P4HA2: variants seen among roughly 807,000 people sequenced by gnomAD.
P4HA2 encodes the protein prolyl 4-hydroxylase subunit alpha 2.
P4HA2 carries 46 observed loss-of-function variants against 76.9 expected under a neutral mutation model. The ratio of observed to expected loss-of-function variants is 0.60; its 90% CI spans 0.47 to 0.76. The LOEUF is 0.76. Among genes scored for constraint, P4HA2 ranks in the 30% least tolerant of loss-of-function variants. The pLI is 0.00. For synonymous variants in P4HA2, 243 were observed against 254.0 expected, an observed-to-expected ratio of 0.96 and a Z score of 0.41; for missense variants, 583 against 669.4, an observed-to-expected ratio of 0.87 and a Z score of 1.42.
At position 132,213,882 on chromosome 5, in the gene P4HA2, T is replaced by C. The variant is rs535224664; in HGVS notation, c.469+34A>G. On this transcript the variant is annotated intron_variant, in intron 5 of 14. Transcript: ENST00000360568. ...CCTGTCCCGCCACTAAAGAGACACA[T>C]GCGGGACAGGCAACGCCTGGAGTGG... 5 of 1,609,620 alleles carry C rather than the reference T, an allele frequency of 3.1e-6. No individual in the cohort carries two copies. In the East Asian group the frequency reaches 6.7e-5, roughly 22 times the overall value.
chr5:132,206,442 A>T (rs1350002940), intron 8 of P4HA2, among the ~76,000 whole-genome samples: 1 of 152,180 alleles, frequency 6.6e-6, no homozygotes, highest in Admixed American at 6.5e-5. Flanking sequence ...GGGCCAGGAT[A>T]GGAACCTATT....
intron 4 of P4HA2, among the ~76,000 whole-genome samples, chr5:132,216,024 G>A (rs539497620): frequency 6.7e-6 from 1 of 149,970 alleles, no homozygotes; most frequent in Non-Finnish European, 1.5e-5. Flanking sequence ...AATTAGCTGG[G>A]CATGGTGGCA....
intron 8 of P4HA2, among the ~76,000 whole-genome samples, chr5:132,206,019 C>T (rs898820277): frequency 1.3e-5 from 2 of 152,106 alleles, no homozygotes; most frequent in South Asian, 2.1e-4. Flanking sequence ...TCACAGTCTC[C>T]GGAAAGGAGG....
At chr5:132,198,088 C>CA in intron 12 of P4HA2, 1 of 1,493,064 alleles carries the variant, frequency 6.7e-7, no homozygotes, top group Non-Finnish European at 8.9e-7. Flanking sequence ...TGCTGAGAGC[C>CA]AGAAGGACCT....
chr5:132,208,396 AG>A (rs1306689117), intron 7 of P4HA2, among the ~76,000 whole-genome samples: 125 of 8,884 alleles, frequency 0.014, no homozygotes, highest in Non-Finnish European at 0.022. Context: ...GGGGGAGGGG[AG>A]GGGGAGGGGA....
chr5:132,193,337 A>T, intron 14 of P4HA2: 1 of 302,288 alleles, frequency 3.3e-6, no homozygotes, highest in Non-Finnish European at 6.1e-6. Flanking sequence ...GCATCTAATC[A>T]TGCCCTTTCA....
chr5:132,227,192 T>C (rs994103806), intron 1 of P4HA2: 1 of 152,258 alleles, frequency 6.6e-6, no homozygotes, highest in African/African-American at 2.4e-5. Context: ...TTTGTTGAAT[T>C]AGTTAACGAA....
rs766882616 is a variant in P4HA2, at chr5:132,209,155, C to G, written c.886G>C (p.Gly296Arg). Residue 296 changes from glycine to arginine, a missense_variant, in exon 7 of 15, where the codon GGG becomes CGG. Physicochemically the swap from Gly to Arg is moderately radical, Grantham distance 125. Transcript: ENST00000360568. ...ERDVYESLCR[G>R]EGVKLTPRRQ... is the part of the protein sequence containing the mutation. Reference sequence around the variant, plus strand: ...CATCTCACCAGTTTGACACCCTCCCCACGACAGAGGCTCTCGTAAACATCC... The same window carrying G: ...CATCTCACCAGTTTGACACCCTCCCGACGACAGAGGCTCTCGTAAACATCC... The G allele has an allele frequency of 6.2e-7, 1 of 1,613,212 alleles. No homozygotes were observed. Among genetic ancestry groups the G allele is most frequent in the Admixed American group, 1.7e-5 (1 of 59,944 alleles).
intron 10 of P4HA2, 43 bp from the exon 11 acceptor site, chr5:132,198,975 A>G: frequency 7.5e-7 from 1 of 1,339,554 alleles, no homozygotes; most frequent in Non-Finnish European, 1.1e-6. Flanking sequence ...CAGCATGAAC[A>G]GCTCTGTAGC....
intron 5 of P4HA2, 65 bp downstream of exon 5, chr5:132,213,851 C>T (rs1468739918): frequency 9.7e-6 from 15 of 1,548,588 alleles, no homozygotes; most frequent in Non-Finnish European, 1.1e-5. Flanking sequence ...TTGGTGGTGG[C>T]TCCAACCTGT....
intron 7 of P4HA2, 63 bp from the exon 8 acceptor site, chr5:132,207,947 C>T (rs1227269762): frequency 2.2e-6 from 3 of 1,334,554 alleles, no homozygotes; most frequent in Non-Finnish European, 3.1e-6. Flanking sequence ...CCCAGTCTGG[C>T]TGTCTGCAGA....
intron 8 of P4HA2, among the ~76,000 whole-genome samples, chr5:132,205,175 C>A (rs1312315843): frequency 2.0e-5 from 3 of 152,212 alleles, no homozygotes; most frequent in Non-Finnish European, 2.9e-5. Context: ...GGTGAACTTA[C>A]CATCCTGTGG....
At chr5:132,222,380 T>G (rs1177682599) in intron 1 of P4HA2, among the ~76,000 whole-genome samples, 1 of 152,084 alleles carries the variant, frequency 6.6e-6, no homozygotes, top group African/African-American at 2.4e-5. Context: ...TAGGCAAGTA[T>G]GGGGGGTACC....
chr5:132,222,361 A>G (rs1754762892), intron 1 of P4HA2, among the ~76,000 whole-genome samples: 1 of 152,128 alleles, frequency 6.6e-6, no homozygotes, highest in Admixed American at 6.5e-5. Flanking sequence ...AGCTGCTGCC[A>G]CGGCACCCTA....
At chr5:132,204,262 A>C in intron 8 of P4HA2, 110 bp from the exon 9 acceptor site, 1 of 871,006 alleles carries the variant, frequency 1.1e-6, no homozygotes. Flanking sequence ...TAGTGGAGGA[A>C]GCTTTGCAGC....
intron 5 of P4HA2, among the ~76,000 whole-genome samples, chr5:132,212,783 C>T (rs138646934): frequency 6.6e-6 from 1 of 152,164 alleles, no homozygotes; most frequent in Non-Finnish European, 1.5e-5. Flanking sequence ...TGCCCCATAA[C>T]CCTATTCAGG....
At chr5:132,212,952 G>C (rs545309508) in intron 5 of P4HA2, among the ~76,000 whole-genome samples, 1 of 152,298 alleles carries the variant, frequency 6.6e-6, no homozygotes, top group East Asian at 1.9e-4. Flanking sequence ...TGAGGTTCTG[G>C]AGCTGGAATA....
Position 132,207,698 on chromosome 5 carries a change from T to C in P4HA2, c.1080+10A>G. ...TCAGTGACCCGAGAAGGACCTACAG[T>C]GACACCTACTTTAGGTTTTGCGATC... On this transcript the variant is annotated intron_variant, in intron 8 of 14. Transcript: ENST00000360568. 1.9e-6 allele frequency: 3 copies of C among 1,612,142 alleles called. No homozygotes were observed. The highest frequency in any genetic ancestry group is 2.5e-6 in the Non-Finnish European group (3 of 1,178,506).
Position 132,213,562 on chromosome 5 carries a change from C to T in P4HA2, c.469+354G>A, listed in dbSNP as rs1753398639. On this transcript the variant is annotated intron_variant, in intron 5 of 14. Transcript: ENST00000360568. ...GGACTCAAGACAGGGGGATAGTAAG[C>T]CCAGATCAGCCTTAGATGAAAAGAC... Among the ~76,000 whole-genome samples, 4 of 152,236 alleles carry T rather than the reference C, an allele frequency of 2.6e-5. No homozygotes were observed. In the South Asian group the frequency reaches 8.3e-4, roughly 32 times the overall value.
Sources: allele counts gnomAD v4.1 joint callset (sites outside exome capture counted in the v4.1 genomes callset), GRCh38; gene constraint gnomAD v4.1.1; transcripts MANE v1.5; gene names NCBI Gene and HGNC (gene_info 2026-07-23, HGNC 2026-07-21).